CAMTA1: variants seen among roughly 807,000 people sequenced by gnomAD.
CAMTA1 encodes the protein calmodulin binding transcription activator 1.
CAMTA1 carries 27 observed loss-of-function variants against 170.9 expected under a neutral mutation model. The observed-to-expected ratio is 0.16, with a 90% CI of 0.12 to 0.22. The LOEUF is 0.22. Among genes scored for constraint, CAMTA1 ranks in the 10% least tolerant of loss-of-function variants. The pLI is 1.00. For synonymous variants in CAMTA1, 833 were observed against 891.5 expected, an observed-to-expected ratio of 0.93 and a Z score of 1.17; for missense variants, 1,619 against 2,217.2, an observed-to-expected ratio of 0.73 and a Z score of 5.42.
At chr1:7,531,326 G>A (rs749047529) in intron 6 of CAMTA1, among the ~76,000 whole-genome samples, 3 of 152,096 alleles carry the variant, frequency 2.0e-5, no homozygotes, top group East Asian at 1.9e-4. Flanking sequence ...CATGCCTCAC[G>A]CTCTTCACCT....
In CAMTA1 at chr1:7,698,129, G is replaced by A. The variant is rs933670088; in HGVS notation, c.2914+20396G>A. ...GACCTGTCCCTTCAGCAGCAACAACGGATTTGGATTAAACAGGATTTTTAA... is the reference window on the plus strand; with the variant it reads ...GACCTGTCCCTTCAGCAGCAACAACAGATTTGGATTAAACAGGATTTTTAA... On this transcript the variant is annotated intron_variant, in intron 11 of 22. Transcript: ENST00000303635. Among the ~76,000 whole-genome samples, 21 of 144,082 alleles carry A rather than the reference G, an allele frequency of 1.5e-4. 1 individual carries two copies. Among genetic ancestry groups the A allele is most frequent in the African/African-American group, 4.9e-4 (19 of 38,962 alleles). 94.5% of individuals were successfully genotyped at this position (144,082 alleles called of 152,430 possible).
chr1:6,877,102 G>A (rs540209082), intron 3 of CAMTA1, among the ~76,000 whole-genome samples: 3 of 152,296 alleles, frequency 2.0e-5, no homozygotes, highest in East Asian at 3.9e-4. Context: ...TTGGGATGGC[G>A]GAGAGCAGAG....
At position 7,234,169 on chromosome 1, in the gene CAMTA1, C is replaced by A. The variant is rs948600631; in HGVS notation, c.303-15322C>A. 3.9e-5 allele frequency among the ~76,000 whole-genome samples: 6 copies of A among 152,152 alleles called. No homozygotes were observed. Among genetic ancestry groups the A allele is most frequent in the Non-Finnish European group, 7.4e-5 (5 of 68,018 alleles). On this transcript the variant is annotated intron_variant, in intron 4 of 22. Transcript: ENST00000303635. This position sits in a 1 kb window ranked among gnomAD's most constrained non-coding sequence, Gnocchi z 5.0. ...TACTTGGGGTGAGCCGCTCTCTCGC[C>A]CCGTCTCCTGCCCCTGCCCTGTTCT...
rs1369000357 is a variant in CAMTA1, at chr1:7,713,371, GC to G, written c.2915-19076del. On this transcript the variant is annotated intron_variant, in intron 11 of 22. Transcript: ENST00000303635. ...TCTATATCAAAAAGGTATCCTTAGG[GC>G]TAGTTTCCTTCCCAAACTCTTCTGT... is the stretch of plus-strand genomic sequence containing the variant. Among the ~76,000 whole-genome samples the G allele has an allele frequency of 2.0e-5, 3 of 152,230 alleles. No individual in the cohort carries two copies. The East Asian group carries it at 5.8e-4, about 29-fold the overall frequency.
intron 6 of CAMTA1, among the ~76,000 whole-genome samples, chr1:7,628,186 G>C (rs1233625253): frequency 6.6e-6 from 1 of 152,172 alleles, no homozygotes; most frequent in Admixed American, 6.5e-5. Flanking sequence ...CCTTCTCCAT[G>C]TGCTGGCAAG....
intron 21 of CAMTA1, among the ~76,000 whole-genome samples, chr1:7,754,612 G>A (rs547046536): frequency 4.8e-4 from 73 of 152,298 alleles, no homozygotes; most frequent in African/African-American, 1.7e-3. Flanking sequence ...AAAATTTCAT[G>A]AAGATTTTTG....
intron 6 of CAMTA1, among the ~76,000 whole-genome samples, chr1:7,598,392 A>G (rs1182448196): frequency 1.3e-5 from 2 of 152,216 alleles, no homozygotes; most frequent in East Asian, 3.8e-4. Flanking sequence ...GCCACAATAA[A>G]CATATGTGTG....
chr1:7,356,106 G>C (rs370101253), intron 5 of CAMTA1, among the ~76,000 whole-genome samples: 1 of 152,240 alleles, frequency 6.6e-6, no homozygotes, highest in African/African-American at 2.4e-5. Context: ...ATGATTGGAC[G>C]GGTTTGGGAG....
intron 5 of CAMTA1, among the ~76,000 whole-genome samples, chr1:7,407,904 C>T (rs1435107373): frequency 6.6e-6 from 1 of 152,104 alleles, no homozygotes; most frequent in Non-Finnish European, 1.5e-5. Flanking sequence ...CTTGGCCTAC[C>T]CTGCATTCAA....
intron 3 of CAMTA1, among the ~76,000 whole-genome samples, chr1:6,868,849 CAGAT>C (rs1190570779): frequency 2.0e-5 from 3 of 152,196 alleles, no homozygotes; most frequent in South Asian, 2.1e-4. Flanking sequence ...ATGTAACTCA[CAGAT>C]AGGGCAGTGT....
chr1:6,997,686 G>T, intron 3 of CAMTA1, among the ~76,000 whole-genome samples: 1 of 125,416 alleles, frequency 8.0e-6, no homozygotes, highest in African/African-American at 3.3e-5. Context: ...TTGAGACAGA[G>T]TTTCGCTTTT....
intron 1 of CAMTA1, among the ~76,000 whole-genome samples, chr1:6,786,029 A>G (rs1278572110): frequency 6.6e-6 from 1 of 151,252 alleles, no homozygotes; most frequent in East Asian, 2.0e-4. Context: ...CCCGCGCCCC[A>G]CTGCTCCGGG....
chr1:7,420,522 G>A (rs1463536277), intron 5 of CAMTA1, among the ~76,000 whole-genome samples: 1 of 152,088 alleles, frequency 6.6e-6, no homozygotes, highest in Non-Finnish European at 1.5e-5. Flanking sequence ...AGGACTAAGG[G>A]AGTGAATAGG....
At chr1:7,119,671 A>G (rs1405743758) in intron 4 of CAMTA1, among the ~76,000 whole-genome samples, 2 of 152,202 alleles carry the variant, frequency 1.3e-5, no homozygotes, top group African/African-American at 2.4e-5. Context: ...TCTTGATGCC[A>G]GACTAGACAA....
chr1:6,909,817 T>C (rs1679327386), intron 3 of CAMTA1, among the ~76,000 whole-genome samples: 1 of 152,240 alleles, frequency 6.6e-6, no homozygotes, highest in Non-Finnish European at 1.5e-5. Context: ...GTGAACTTCC[T>C]GGGTCTCCCG....
chr1:6,839,525 A>C (rs1026545368), intron 3 of CAMTA1, among the ~76,000 whole-genome samples: 5 of 152,230 alleles, frequency 3.3e-5, no homozygotes, highest in Middle Eastern at 3.2e-3. Context: ...TGAGGTTCCA[A>C]TTCTCATGGA....
At chr1:7,511,024 T>C (rs551786783) in intron 6 of CAMTA1, among the ~76,000 whole-genome samples, 1 of 144,966 alleles carries the variant, frequency 6.9e-6, no homozygotes, top group African/African-American at 2.5e-5. Flanking sequence ...TCTCCGTGTG[T>C]GTTACTCCTT....
At chr1:7,246,670 C>CATT (rs1553286894) in intron 4 of CAMTA1, among the ~76,000 whole-genome samples, 1 of 73,930 alleles carries the variant, frequency 1.4e-5, no homozygotes, top group Non-Finnish European at 2.4e-5. Flanking sequence ...CTCTGACCTG[C>CATT]TTTTTTTTTT....
chr1:7,176,302 G>A (rs968546220), intron 4 of CAMTA1, among the ~76,000 whole-genome samples: 8 of 152,194 alleles, frequency 5.3e-5, no homozygotes. Flanking sequence ...AAACTGAAGG[G>A]AAGAAGAACC....
Sources: gnomAD v4.1 joint callset for allele counts (sites outside exome capture counted in the v4.1 genomes callset) on GRCh38, gnomAD v4.1.1 for gene constraint, Gnocchi (gnomAD v3.1) non-coding constraint, MANE v1.5 for transcripts, NCBI Gene and HGNC (gene_info 2026-07-23, HGNC 2026-07-21) for gene names.